The following TMEM132B variants were observed in gnomAD, a reference collection of about 807,000 sequenced individuals.
TMEM132B encodes transmembrane protein 132B.
TMEM132B carries 18 observed loss-of-function variants against 90.8 expected under a neutral mutation model. The observed-to-expected ratio is 0.20, with a 90% confidence interval of 0.14 to 0.29. The LOEUF (loss-of-function observed/expected upper bound fraction) is 0.29. TMEM132B is among the 10% of genes least tolerant of loss of function. The pLI is 1.00. For synonymous variants in TMEM132B, 504 were observed against 523.3 expected (o/e 0.96, Z 0.50); for missense variants, 1,096 against 1,326.8 (o/e 0.83, Z 2.70).
rs1175668056 is a variant in TMEM132B at position 125,468,838 on chromosome 12, A to G, written c.1107-50601A>G. On this transcript the variant is annotated intron_variant, in intron 3 of 8. Transcript: ENST00000682704. ...GTCTTGGTTAAGTTTATACCTAAGT[A>G]TTTTATTATTTTGGATTCTATTGTA... 2.6e-5 allele frequency among the ~76,000 whole-genome samples: 4 copies of G among 152,146 alleles called. No homozygotes were observed. The South Asian group carries it at 6.2e-4, about 24-fold the overall frequency.
At chr12:125,511,864 A>AAAAG (rs1371269533) in intron 3 of TMEM132B, among the ~76,000 whole-genome samples, 5 of 151,238 alleles carry the variant, frequency 3.3e-5, no homozygotes, top group African/African-American at 1.2e-4. Context: ...AAAAAAAAAA[A>AAAAG]AAAAGAAAAG....
At chr12:125,202,413 T>G (rs1158064293) in intron 1 of TMEM132B, among the ~76,000 whole-genome samples, 4 of 152,262 alleles carry the variant, frequency 2.6e-5, no homozygotes, top group Non-Finnish European at 2.9e-5. Flanking sequence ...CTCACAAGGC[T>G]GCAGTCGAGG....
intron 3 of TMEM132B, among the ~76,000 whole-genome samples, chr12:125,476,522 G>A (rs1302506585): frequency 6.6e-6 from 1 of 152,078 alleles, no homozygotes; most frequent in Non-Finnish European, 1.5e-5. Flanking sequence ...ATCACAATTT[G>A]TTTATCCATT....
intron 4 of TMEM132B, among the ~76,000 whole-genome samples, chr12:125,553,686 T>C (rs1020536813): frequency 1.5e-5 from 2 of 131,074 alleles, no homozygotes; most frequent in African/African-American, 5.0e-5. Flanking sequence ...GGGAGAATAT[T>C]TTAATTCTCT....
chr12:125,493,026 C>A (rs1168553679), intron 3 of TMEM132B, among the ~76,000 whole-genome samples: 1 of 152,078 alleles, frequency 6.6e-6, no homozygotes, highest in Admixed American at 6.5e-5. Flanking sequence ...GGAGTTCCAC[C>A]CCTGCAGGTG....
In TMEM132B at chr12:125,602,480, A is replaced by G. The variant is rs146187417; in HGVS notation, c.1437+18486A>G. Among the ~76,000 whole-genome samples, 594 of 152,338 alleles carry G rather than the reference A, an allele frequency of 3.9e-3. 5 individuals carry two copies. The highest frequency in any genetic ancestry group is 0.013 in the African/African-American group (543 of 41,572). On this transcript the variant is annotated intron_variant, in intron 5 of 8. Coordinates refer to ENST00000682704, the MANE Select transcript of TMEM132B (RefSeq NM_001366854.1). The stretch of plus-strand genomic sequence containing the variant: ...AACATATCTCAAAATAATAAGAGCT[A>G]TTTATGACAAACCCACAGCCAGTAT...
At chr12:125,302,091 T>G (rs1260877856) in intron 1 of TMEM132B, among the ~76,000 whole-genome samples, 6 of 152,012 alleles carry the variant, frequency 3.9e-5, no homozygotes, top group African/African-American at 9.7e-5. Context: ...TCCCAGCTAC[T>G]CAGGAGGCTG....
At chr12:125,364,564 A>C (rs61943143) in intron 2 of TMEM132B, among the ~76,000 whole-genome samples, 91 of 152,262 alleles carry the variant, frequency 6.0e-4, no homozygotes, top group Non-Finnish European at 9.4e-4. Flanking sequence ...TTTTGACTGG[A>C]ATTACATTGA....
chr12:125,371,576 A>G (rs1878293024), intron 2 of TMEM132B, among the ~76,000 whole-genome samples: 2 of 152,134 alleles, frequency 1.3e-5, no homozygotes, highest in South Asian at 4.1e-4. Flanking sequence ...CAACCACCTT[A>G]CTTTTTACCA....
At chr12:125,624,212 A>G (rs1177842757) in intron 5 of TMEM132B, among the ~76,000 whole-genome samples, 1 of 152,220 alleles carries the variant, frequency 6.6e-6, no homozygotes, top group Non-Finnish European at 1.5e-5. Flanking sequence ...AGTGCAAAGC[A>G]TCATGATCAG....
chr12:125,387,113 T>C (rs1230964308), intron 2 of TMEM132B, among the ~76,000 whole-genome samples: 4 of 145,608 alleles, frequency 2.7e-5, no homozygotes, highest in Non-Finnish European at 6.0e-5. Flanking sequence ...AAAGAAGTCT[T>C]CTATCTTAAA....
At chr12:125,573,174 G>A (rs1324700401) in intron 4 of TMEM132B, among the ~76,000 whole-genome samples, 1 of 152,088 alleles carries the variant, frequency 6.6e-6, no homozygotes, top group African/African-American at 2.4e-5. Flanking sequence ...ATTGCTAAAG[G>A]GGTGTTATAT....
At chr12:125,515,157 C>T (rs971005542) in intron 3 of TMEM132B, among the ~76,000 whole-genome samples, 2 of 152,234 alleles carry the variant, frequency 1.3e-5, no homozygotes, top group Admixed American at 6.5e-5. Context: ...CACATATGTT[C>T]GCACATTCTC....
intron 4 of TMEM132B, among the ~76,000 whole-genome samples, chr12:125,527,351 A>G (rs1883509010): frequency 4.9e-5 from 5 of 101,114 alleles, no homozygotes; most frequent in Admixed American, 1.0e-4. Flanking sequence ...CCATCCACCC[A>G]TCCACCCTTC....
intron 3 of TMEM132B, among the ~76,000 whole-genome samples, chr12:125,451,308 G>T (rs1881144413): frequency 6.6e-6 from 1 of 152,090 alleles, no homozygotes; most frequent in South Asian, 2.1e-4. Flanking sequence ...GGGGTAAGTG[G>T]CCATGGCATA....
intron 1 of TMEM132B, among the ~76,000 whole-genome samples, chr12:125,291,017 C>T (rs930427870): frequency 3.9e-5 from 6 of 152,166 alleles, no homozygotes; most frequent in East Asian, 1.9e-4. Flanking sequence ...AATCCTTCCC[C>T]GTCCCCCAGC....
At chr12:125,544,714 A>G (rs561923992) in intron 4 of TMEM132B, among the ~76,000 whole-genome samples, 1 of 152,312 alleles carries the variant, frequency 6.6e-6, no homozygotes, top group East Asian at 1.9e-4. Flanking sequence ...AAGAAGCCAT[A>G]TAGGATCAGA....
chr12:125,414,960 A>C (rs1336047193), intron 2 of TMEM132B, among the ~76,000 whole-genome samples: 1 of 152,160 alleles, frequency 6.6e-6, no homozygotes, highest in African/African-American at 2.4e-5. Flanking sequence ...TCCTGGTGGA[A>C]CCGTGTTCTG....
chr12:125,201,103 C>A (rs140866464), intron 1 of TMEM132B, among the ~76,000 whole-genome samples: 2 of 152,258 alleles, frequency 1.3e-5, no homozygotes, highest in Non-Finnish European at 2.9e-5. Flanking sequence ...ACCCACCACC[C>A]CCCATGCCCA....
Sources: allele counts gnomAD v4.1 joint callset (sites outside exome capture counted in the v4.1 genomes callset), GRCh38; gene constraint gnomAD v4.1.1; transcripts MANE v1.5; gene names NCBI Gene and HGNC (gene_info 2026-07-23, HGNC 2026-07-21).